Variants in SLC12A7 observed in about 807,000 individuals in gnomAD.
SLC12A7 encodes the protein K-Cl cotransporter 4.
A neutral mutation model predicts 120.6 loss-of-function variants in SLC12A7; 100 were observed. The ratio of observed to expected loss-of-function variants is 0.83; its 90% CI spans 0.71 to 0.98. The LOEUF is 0.98. Among genes scored for constraint, SLC12A7 ranks in the 50% least tolerant of loss-of-function variants. The pLI, the probability that SLC12A7 is intolerant of heterozygous loss-of-function variation, is 0.00. For synonymous variants in SLC12A7, 760 were observed against 678.0 expected, an observed-to-expected ratio of 1.12 and a Z score of -1.88; for missense variants, 1,373 against 1,548.1, an observed-to-expected ratio of 0.89 and a Z score of 1.90.
intron 20 of SLC12A7, among the ~76,000 whole-genome samples, chr5:1,061,974 G>A (rs994253622): frequency 1.4e-4 from 22 of 152,194 alleles, no homozygotes; most frequent in African/African-American, 5.1e-4. Flanking sequence ...CAGACTGAAT[G>A]GCAGCGACCC....
chr5:1,095,005 T>TCGGTAGGAGGTGGGGG (rs147255285), intron 1 of SLC12A7, among the ~76,000 whole-genome samples: 1 of 91,908 alleles, frequency 1.1e-5, no homozygotes, highest in South Asian at 4.2e-4. Flanking sequence ...GAAGATAGGG[T>TCGGTAGGAGGTGGGGG]CGGTAGGAGG....
chr5:1,153,111 C>T, the SLC12A7 span, among the ~76,000 whole-genome samples: 2 of 152,242 alleles, frequency 1.3e-5, no homozygotes, highest in African/African-American at 4.8e-5. Flanking sequence ...CTCCAACCCC[C>T]ACAGGACTGG....
At chr5:1,064,949 A>AGG (rs1736844151) in intron 18 of SLC12A7, among the ~76,000 whole-genome samples, 25 of 133,902 alleles carry the variant, frequency 1.9e-4, no homozygotes, top group South Asian at 2.6e-4. Context: ...GGGGACGGCG[A>AGG]AGAGATGGTG....
intron 1 of SLC12A7, among the ~76,000 whole-genome samples, chr5:1,096,610 G>T (rs962370835): frequency 6.7e-6 from 1 of 149,156 alleles, no homozygotes; most frequent in Admixed American, 6.7e-5. Context: ...ACACTTTCTG[G>T]AGTCAATGGA....
At chr5:1,102,484 TCTTAG>T (rs1425481605) in intron 1 of SLC12A7, among the ~76,000 whole-genome samples, 9 of 152,270 alleles carry the variant, frequency 5.9e-5, no homozygotes, top group Admixed American at 4.6e-4. Context: ...AGGAACGTCC[TCTTAG>T]ACTCAGCCTC....
intron 1 of SLC12A7, among the ~76,000 whole-genome samples, chr5:1,099,951 C>T (rs1741847257): frequency 6.6e-6 from 1 of 152,030 alleles, no homozygotes; most frequent in Admixed American, 6.6e-5. Context: ...CCTGAGGGCG[C>T]ATGACCGTTA....
chr5:1,132,568 GGC>G, the SLC12A7 span, among the ~76,000 whole-genome samples: 1 of 152,028 alleles, frequency 6.6e-6, no homozygotes, highest in East Asian at 1.9e-4. Context: ...CTAACACCCG[GGC>G]TGTTTTCTGT....
chr5:1,130,948 C>T, the SLC12A7 span, among the ~76,000 whole-genome samples: 1 of 152,138 alleles, frequency 6.6e-6, no homozygotes, highest in African/African-American at 2.4e-5. Flanking sequence ...GACAGAACCT[C>T]ACGTCGGAGG....
intron 4 of SLC12A7, 39 bp downstream of exon 4, chr5:1,088,943 G>A (rs368521685): frequency 1.3e-4 from 211 of 1,610,850 alleles, no homozygotes; most frequent in African/African-American, 3.7e-4. Flanking sequence ...AGCTGCCACC[G>A]CCCGAAGGCA....
In SLC12A7 at chr5:1,050,792, C is replaced by T. The variant is rs543279169; in HGVS notation, c.*1568G>A. 13 of 398,540 alleles carry T rather than the reference C, an allele frequency of 3.3e-5. No individual in the cohort carries two copies. Among genetic ancestry groups the T allele is most frequent in the South Asian group, 1.3e-4 (1 of 7,826 alleles). 24.7% of individuals were successfully genotyped at this position (398,540 alleles called of 1,614,324 possible). On this transcript the variant is annotated 3_prime_UTR_variant, in exon 24 of 24. Transcript: ENST00000264930. The stretch of plus-strand genomic sequence containing the variant: ...AGAGGCTGTGGGAACTGCTGAGCCC[C>T]GCTGTGATGTCTGGGACACGCTCTG...
intron 4 of SLC12A7, 93 bp downstream of exon 4, chr5:1,088,889 A>G (rs1014435642): frequency 1.3e-6 from 2 of 1,528,748 alleles, no homozygotes; most frequent in East Asian, 4.5e-5. Flanking sequence ...AGGCACAACC[A>G]CAGCGGCCAG....
chr5:1,086,392 AG>A (rs572337798), intron 6 of SLC12A7, among the ~76,000 whole-genome samples: 2 of 152,212 alleles, frequency 1.3e-5, no homozygotes, highest in Non-Finnish European at 2.9e-5. Context: ...ACGAGGACCA[AG>A]GAACTCAGGC....
chr5:1,064,112 G>T lies in SLC12A7; in HGVS notation c.2578C>A (p.Leu860Met), dbSNP rs116788523. Residue 860 changes from leucine to methionine, a missense_variant, in exon 19 of 24, where the codon CTG becomes ATG. Physicochemically the swap from Leu to Met is conservative, Grantham distance 15. Coordinates refer to ENST00000264930, the MANE Select transcript of SLC12A7 (RefSeq NM_006598.3). ...TGCTGGCGCAGCAGGAAGGGCAGCAGCATGAGCATGCCGCCGTCGTGCACG... is the reference window on the plus strand; with the variant it reads ...TGCTGGCGCAGCAGGAAGGGCAGCATCATGAGCATGCCGCCGTCGTGCACG... ...WIVHDGGMLM[L>M]LPFLLRQHKV... The T allele has an allele frequency of 6.2e-7, 1 of 1,609,634 alleles. No individual in the cohort carries two copies. Among genetic ancestry groups the T allele is most frequent in the Non-Finnish European group, 8.5e-7 (1 of 1,177,990 alleles).
At chr5:1,148,350 G>A in the SLC12A7 span, among the ~76,000 whole-genome samples, 1 of 151,872 alleles carries the variant, frequency 6.6e-6, no homozygotes, top group East Asian at 1.9e-4. Flanking sequence ...GGGACTACAG[G>A]CGCCCACCAC....
At chr5:1,103,448 T>C (rs909398488) in intron 1 of SLC12A7, among the ~76,000 whole-genome samples, 2 of 152,264 alleles carry the variant, frequency 1.3e-5, no homozygotes, top group South Asian at 2.1e-4. Flanking sequence ...CACAGAGACA[T>C]GCATGTGTAC....
Position 1,083,311 on chromosome 5 carries a change from G to A in SLC12A7, c.1129+434C>T, listed in dbSNP as rs1579385217. 1.3e-5 allele frequency among the ~76,000 whole-genome samples: 2 copies of A among 152,258 alleles called. 1 individual carries two copies. ...CTGGAAAGTCCGGGCTTCCCGTCTC[G>A]GGTTCTGGAGCAGGTCTCGTGTACC... is the stretch of plus-strand genomic sequence containing the variant. On this transcript the variant is annotated intron_variant, in intron 8 of 23. Transcript: ENST00000264930.
At chr5:1,120,398 A>G in the SLC12A7 span, among the ~76,000 whole-genome samples, 1 of 152,214 alleles carries the variant, frequency 6.6e-6, no homozygotes, top group Non-Finnish European at 1.5e-5. Context: ...CAAAGACTTG[A>G]ACTAACATGG....
intron 4 of SLC12A7, among the ~76,000 whole-genome samples, 181 bp from the exon 5 acceptor site, chr5:1,088,541 C>T (rs899222210): frequency 3.3e-5 from 5 of 152,214 alleles, no homozygotes; most frequent in African/African-American, 9.7e-5. Context: ...ACCAGGCATG[C>T]GTGTCCTGGT....
intron 1 of SLC12A7, among the ~76,000 whole-genome samples, chr5:1,097,539 C>G (rs80080532): frequency 0.039 from 5,950 of 152,330 alleles, 147 homozygotes; most frequent in Non-Finnish European, 0.063. Flanking sequence ...GGGTCACACC[C>G]GAGATCCCTG....
Sources: allele counts gnomAD v4.1 joint callset (sites outside exome capture counted in the v4.1 genomes callset), GRCh38; gene constraint gnomAD v4.1.1; transcripts MANE v1.5; gene names NCBI Gene and HGNC (gene_info 2026-07-23, HGNC 2026-07-21).